Variants in SNRK observed in about 807,000 individuals in gnomAD.
The protein encoded by SNRK is SNF related kinase.
In SNRK, 3 loss-of-function variants were observed where a neutral mutation model predicts 48.2. The ratio of observed to expected loss-of-function variants is 0.06; its 90% CI spans 0.03 to 0.16. SNRK has a LOEUF of 0.16. Among genes scored for constraint, SNRK ranks in the 10% least tolerant of loss-of-function variants. SNRK has a pLI of 1.00. For synonymous variants in SNRK, 376 were observed against 366.1 expected (o/e 1.03, Z -0.31); for missense variants, 627 against 976.0 (o/e 0.64, Z 4.76).
chr3:43,325,189 G>A (rs888470352), intron 3 of SNRK, among the ~76,000 whole-genome samples: 7 of 152,140 alleles, frequency 4.6e-5, no homozygotes, highest in South Asian at 4.1e-4. Context: ...TTTTTGAGAC[G>A]GAGTCTCGCG....
chr3:43,324,559 C>T (rs2091080720), intron 3 of SNRK, among the ~76,000 whole-genome samples: 1 of 151,166 alleles, frequency 6.6e-6, no homozygotes, highest in Admixed American at 6.6e-5. Context: ...ATATGCACTG[C>T]TTTCATAATC....
intron 5 of SNRK, chr3:43,343,138 ATG>A: frequency 1.8e-6 from 1 of 549,932 alleles, no homozygotes; most frequent in Non-Finnish European, 3.0e-6. Flanking sequence ...TCATAAAAAT[ATG>A]AACATTTTTA....
chr3:43,287,205 A>G (rs904811865), intron 1 of SNRK, among the ~76,000 whole-genome samples: 7 of 152,168 alleles, frequency 4.6e-5, no homozygotes, highest in African/African-American at 1.4e-4. Flanking sequence ...CTGTAGAGAA[A>G]GGGCAAAGGG....
chr3:43,308,358 A>G (rs1414655708), intron 3 of SNRK, among the ~76,000 whole-genome samples: 2 of 152,224 alleles, frequency 1.3e-5, no homozygotes, highest in Non-Finnish European at 2.9e-5. Context: ...AGAAGATCCC[A>G]TGTAGGACTT....
chr3:43,315,251 T>G (rs1372656865), intron 3 of SNRK: 1 of 152,024 alleles, frequency 6.6e-6, no homozygotes, highest in African/African-American at 2.4e-5. Flanking sequence ...TGAGGCCCCA[T>G]CTCTTAAAAA....
chr3:43,298,557 C>T (rs1013081791), intron 1 of SNRK, among the ~76,000 whole-genome samples: 2 of 152,190 alleles, frequency 1.3e-5, no homozygotes, highest in African/African-American at 4.8e-5. Flanking sequence ...CACCTTTCCT[C>T]GTCCTTTCAC....
At chr3:43,339,822 T>C (rs113564420) in intron 4 of SNRK, among the ~76,000 whole-genome samples, 1 of 3,200 alleles carries the variant, frequency 3.1e-4, no homozygotes, top group Admixed American at 3.1e-3. Flanking sequence ...TTCCAAAATA[T>C]ATATATATAT....
At chr3:43,292,734 C>T (rs922503415) in intron 1 of SNRK, among the ~76,000 whole-genome samples, 4 of 152,206 alleles carry the variant, frequency 2.6e-5, no homozygotes, top group Admixed American at 2.0e-4. Context: ...GAAGGATAAG[C>T]CCTGGTCTGT....
rs755208537 is a variant in SNRK, at chr3:43,347,296, A to G, written c.1080-43A>G. The G allele has an allele frequency of 6.6e-7, 1 of 1,512,462 alleles. No homozygotes were observed. The highest frequency in any genetic ancestry group is 2.3e-5 in the East Asian group (1 of 43,990). 93.7% of individuals were successfully genotyped at this position (1,512,462 alleles called of 1,614,324 possible). A position where few individuals can be genotyped will look rare whatever the true frequency, so the allele number is the denominator to read the frequency against. On this transcript the variant is annotated intron_variant, in intron 6 of 6. Coordinates refer to ENST00000296088, the MANE Select transcript of SNRK (RefSeq NM_017719.5). This position sits in a 1 kb window ranked among gnomAD's most constrained non-coding sequence, Gnocchi z 5.4. ...GATGTACTTTACTATCATCTGCATA[A>G]TGATTATATGGCTTTTTTCCCCCCA...
chr3:43,312,145 A>G (rs956688920), intron 3 of SNRK, among the ~76,000 whole-genome samples: 17 of 152,304 alleles, frequency 1.1e-4, no homozygotes, highest in Admixed American at 4.6e-4. Flanking sequence ...TATACAGACT[A>G]TTTCAAAGAT....
intron 3 of SNRK, among the ~76,000 whole-genome samples, chr3:43,319,462 T>C (rs2091037931): frequency 6.6e-6 from 1 of 151,522 alleles, no homozygotes; most frequent in Non-Finnish European, 1.5e-5. Flanking sequence ...GCATACTATT[T>C]TGCTGGGTGT....
At chr3:43,330,722 C>T (rs2091139668) in intron 3 of SNRK, among the ~76,000 whole-genome samples, 1 of 152,150 alleles carries the variant, frequency 6.6e-6, no homozygotes, top group South Asian at 2.1e-4. Flanking sequence ...ACTCCTGAGT[C>T]AGCTTGCTGT....
chr3:43,323,851 T>G (rs1272461308), intron 3 of SNRK, among the ~76,000 whole-genome samples: 1 of 152,092 alleles, frequency 6.6e-6, no homozygotes, highest in East Asian at 1.9e-4. Flanking sequence ...AAACAGAGAC[T>G]ACGTACTCTG....
intron 6 of SNRK, 25 bp downstream of exon 6, chr3:43,343,503 T>TTA: frequency 1.2e-6 from 2 of 1,605,866 alleles, no homozygotes; most frequent in Non-Finnish European, 1.7e-6. Context: ...TTCACTGATT[T>TTA]TAGTAAGTTT....
At chr3:43,340,672 T>C (rs990725277) in intron 5 of SNRK, 173 bp downstream of exon 5, 8 of 622,290 alleles carry the variant, frequency 1.3e-5, no homozygotes, top group Admixed American at 9.0e-5. Flanking sequence ...CAGGTTTTTT[T>C]TGGTGTTTTG....
chr3:43,350,703 G>C lies in SNRK; in HGVS notation c.*2146G>C, dbSNP rs1005057535. ...AGTATGTCGTCACATAAAAGGGAGG[G>C]AGCGAAAAACCATTACATTAAGATA... On this transcript the variant is annotated 3_prime_UTR_variant, in exon 7 of 7. Transcript: ENST00000296088. 6.6e-6 allele frequency: 1 copy of C among 152,656 alleles called. No homozygotes were observed. Among genetic ancestry groups the C allele is most frequent in the East Asian group, 1.9e-4 (1 of 5,184 alleles). 9.5% of individuals were successfully genotyped at this position (152,656 alleles called of 1,614,324 possible).
At chr3:43,305,073 A>G (rs956657594) in intron 3 of SNRK, among the ~76,000 whole-genome samples, 5 of 152,132 alleles carry the variant, frequency 3.3e-5, no homozygotes, top group Non-Finnish European at 4.4e-5. Flanking sequence ...AAAATAAAGT[A>G]CTCTTTAAAT....
chr3:43,320,034 A>T (rs2091041988), intron 3 of SNRK, among the ~76,000 whole-genome samples: 1 of 152,244 alleles, frequency 6.6e-6, no homozygotes, highest in African/African-American at 2.4e-5. Flanking sequence ...GAACACAAAC[A>T]GTTTTGAAAT....
At chr3:43,291,159 C>T (rs1045540630) in intron 1 of SNRK, among the ~76,000 whole-genome samples, 4 of 152,114 alleles carry the variant, frequency 2.6e-5, no homozygotes, top group Admixed American at 6.5e-5. Flanking sequence ...CTGACCTTGT[C>T]CCCTGCGCTC....
Sources: allele counts gnomAD v4.1 joint callset (sites outside exome capture counted in the v4.1 genomes callset), GRCh38; gene constraint gnomAD v4.1.1; non-coding constraint Gnocchi (gnomAD v3.1); transcripts MANE v1.5; gene names NCBI Gene and HGNC (gene_info 2026-07-23, HGNC 2026-07-21).